DENND1A: variants seen among roughly 807,000 people sequenced by gnomAD.
DENND1A encodes DENN domain-containing protein 1A.
DENND1A carries 51 observed loss-of-function variants against 113.7 expected under a neutral mutation model. The ratio of observed to expected loss-of-function variants is 0.45; its 90% CI spans 0.36 to 0.57. The LOEUF is 0.57. Ranked by LOEUF, DENND1A falls within the 20% of genes least tolerant of loss-of-function variation. The pLI, the probability that DENND1A is intolerant of heterozygous loss-of-function variation, is 0.00. For synonymous variants in DENND1A, 565 were observed against 570.8 expected, an observed-to-expected ratio of 0.99 and a Z score of 0.14; for missense variants, 1,258 against 1,395.9, an observed-to-expected ratio of 0.90 and a Z score of 1.57.
intron 13 of DENND1A, among the ~76,000 whole-genome samples, chr9:123,527,448 C>T (rs2054933828): frequency 6.6e-6 from 1 of 152,112 alleles, no homozygotes; most frequent in African/African-American, 2.4e-5. Flanking sequence ...TCCAAGACTG[C>T]CTTTCAGGTT....
At position 123,472,071 on chromosome 9, in the gene DENND1A, G is replaced by A. The variant is rs1394441741; in HGVS notation, c.994-14174C>T. The stretch of plus-strand genomic sequence containing the variant: ...ATTGTGAGGTTTAAGGTGATATGGT[G>A]TGTGTCAAGCTGCCCGTACTTTGGA... On this transcript the variant is annotated intron_variant, in intron 13 of 23. Transcript: ENST00000394215. 5.3e-5 allele frequency among the ~76,000 whole-genome samples: 8 copies of A among 152,218 alleles called. No individual in the cohort carries two copies. The South Asian group carries it at 6.2e-4, about 12-fold the overall frequency.
At chr9:123,748,641 A>G (rs78199349) in intron 5 of DENND1A, among the ~76,000 whole-genome samples, 72 of 152,310 alleles carry the variant, frequency 4.7e-4, no homozygotes, top group Non-Finnish European at 9.6e-4. Context: ...CAATTTTAGG[A>G]GTGAGGTGTA....
intron 3 of DENND1A, among the ~76,000 whole-genome samples, chr9:123,770,603 T>C (rs1432011406): frequency 6.6e-6 from 1 of 152,224 alleles, no homozygotes; most frequent in Non-Finnish European, 1.5e-5. Flanking sequence ...CATAGACCAA[T>C]GTTATAAATT....
At chr9:123,561,195 A>G (rs566390145) in intron 12 of DENND1A, among the ~76,000 whole-genome samples, 8 of 152,160 alleles carry the variant, frequency 5.3e-5, no homozygotes, top group Non-Finnish European at 8.8e-5. Context: ...TTTCTCTTTC[A>G]TTCGGGAGGT....
intron 9 of DENND1A, among the ~76,000 whole-genome samples, chr9:123,638,098 T>A (rs924433643): frequency 5.3e-5 from 8 of 152,034 alleles, no homozygotes; most frequent in East Asian, 1.9e-4. Context: ...CATTTTTTTT[T>A]AAAGCTATCT....
intron 5 of DENND1A, among the ~76,000 whole-genome samples, chr9:123,753,137 T>C (rs2070205961): frequency 6.6e-6 from 1 of 152,238 alleles, no homozygotes; most frequent in African/African-American, 2.4e-5. Context: ...CATGGGCTTA[T>C]TTCCCCATTC....
Position 123,433,608 on chromosome 9 carries a change from A to G in DENND1A, c.1488+6752T>C, listed in dbSNP as rs181874789. Among the ~76,000 whole-genome samples, 315 of 152,346 alleles carry G rather than the reference A, an allele frequency of 2.1e-3. 2 individuals carry two copies. Among genetic ancestry groups the G allele is most frequent in the Non-Finnish European group, 7.8e-4 (53 of 68,024 alleles). ...ACATCATCATCTAACATTCCAGTCC[A>G]TCTTCAAATTTTCCAACTTTCCCAA... is the stretch of plus-strand genomic sequence containing the variant. On this transcript the variant is annotated intron_variant, in intron 19 of 23. Transcript: ENST00000394215.
rs1257652341 is a variant in DENND1A, at chr9:123,764,350, G to A, written c.182+5164C>T. ...CGACAATTATCTGTTGTCCATGGCA[G>A]GGCACCTAACAGACACTTTTCCTTT... On this transcript the variant is annotated intron_variant, in intron 4 of 23. Coordinates refer to ENST00000394215, the MANE Select transcript of DENND1A (RefSeq NM_001352964.2). This position sits in a 1 kb window ranked among gnomAD's most constrained non-coding sequence, Gnocchi z 4.1. 6.6e-6 allele frequency among the ~76,000 whole-genome samples: 1 copy of A among 152,204 alleles called. No individual in the cohort carries two copies. Among genetic ancestry groups the A allele is most frequent in the Non-Finnish European group, 1.5e-5 (1 of 68,026 alleles).
intron 21 of DENND1A, among the ~76,000 whole-genome samples, chr9:123,402,263 C>CGCAT (rs1554799327): frequency 1.3e-5 from 2 of 151,876 alleles, no homozygotes; most frequent in African/African-American, 4.9e-5. Flanking sequence ...CACACACACA[C>CGCAT]GCACGCACAC....
chr9:123,674,114 C>A (rs2063899464), intron 6 of DENND1A, among the ~76,000 whole-genome samples: 2 of 152,066 alleles, frequency 1.3e-5, no homozygotes, highest in African/African-American at 2.4e-5. Context: ...CACCATGCTC[C>A]CACATAAACA....
intron 5 of DENND1A, among the ~76,000 whole-genome samples, chr9:123,730,927 TA>T (rs948441586): frequency 7.9e-5 from 12 of 151,766 alleles, no homozygotes; most frequent in Non-Finnish European, 1.2e-4. Context: ...TATGCAGCCA[TA>T]AAAAAAAGAT....
intron 19 of DENND1A, among the ~76,000 whole-genome samples, chr9:123,430,063 C>T (rs148455931): frequency 2.2e-4 from 33 of 152,188 alleles, no homozygotes; most frequent in African/African-American, 6.7e-4. Context: ...AAGACATTCA[C>T]GTGGCCAATG....
intron 5 of DENND1A, among the ~76,000 whole-genome samples, chr9:123,719,646 T>A (rs1454224223): frequency 6.6e-6 from 1 of 151,628 alleles, no homozygotes; most frequent in Non-Finnish European, 1.5e-5. Flanking sequence ...TTTTTTTTTT[T>A]AATTTTGAAG....
intron 5 of DENND1A, among the ~76,000 whole-genome samples, chr9:123,703,616 T>C (rs927705932): frequency 6.6e-6 from 1 of 151,964 alleles, no homozygotes; most frequent in Non-Finnish European, 1.5e-5. Flanking sequence ...ATGGCAGTAA[T>C]AAGTCCTTAC....
chr9:123,444,527 G>A (rs1310813658), intron 18 of DENND1A, among the ~76,000 whole-genome samples: 4 of 152,166 alleles, frequency 2.6e-5, no homozygotes, highest in Non-Finnish European at 5.9e-5. Flanking sequence ...GGTGGCGGAC[G>A]CCTGTAATCC....
At chr9:123,674,340 TCTCACACACACA>T (rs1467603358) in intron 6 of DENND1A, among the ~76,000 whole-genome samples, 34 of 127,818 alleles carry the variant, frequency 2.7e-4, no homozygotes, top group East Asian at 6.7e-4. Flanking sequence ...TCTGTCTCTC[TCTCACACACACA>T]CACACACACA....
intron 13 of DENND1A, 96 bp downstream of exon 13, chr9:123,557,474 G>T: frequency 1.3e-6 from 2 of 1,533,596 alleles, no homozygotes; most frequent in South Asian, 2.5e-5. Flanking sequence ...AGATGAATCT[G>T]GAAACCAGAA....
intron 2 of DENND1A, among the ~76,000 whole-genome samples, chr9:123,815,810 T>C (rs1466541067): frequency 2.0e-5 from 3 of 152,106 alleles, no homozygotes; most frequent in African/African-American, 7.2e-5. Context: ...GTGAGGAGGC[T>C]AAAACGTGTC....
chr9:123,621,043 C>A (rs576688687), intron 10 of DENND1A, among the ~76,000 whole-genome samples: 2 of 152,172 alleles, frequency 1.3e-5, no homozygotes, highest in South Asian at 4.2e-4. Context: ...TACTGGAACC[C>A]AATCTTTAAC....
Sources: allele counts gnomAD v4.1 joint callset (sites outside exome capture counted in the v4.1 genomes callset), GRCh38; gene constraint gnomAD v4.1.1; non-coding constraint Gnocchi (gnomAD v3.1); transcripts MANE v1.5; gene names NCBI Gene and HGNC (gene_info 2026-07-23, HGNC 2026-07-21).